PHLPP2: variants seen among roughly 807,000 people sequenced by gnomAD.
PHLPP2 encodes PH domain leucine-rich repeat-containing protein phosphatase 2.
PHLPP2 carries 66 observed loss-of-function variants against 124.9 expected under a neutral mutation model. That is an observed-to-expected ratio of 0.53 (90% CI 0.43 to 0.65). PHLPP2 has a LOEUF of 0.65. Among genes scored for constraint, PHLPP2 ranks in the 30% least tolerant of loss-of-function variants. The probability of loss-of-function intolerance (pLI) is 0.00; values close to 1 mark genes in which losing one functional copy is unlikely to be tolerated. For synonymous variants in PHLPP2, 681 were observed against 624.7 expected (o/e 1.09, Z -1.34); for missense variants, 1,685 against 1,600.4 (o/e 1.05, Z -0.90).
chr16:71,690,835 T>G (rs1398129219), intron 3 of PHLPP2, 126 bp from the exon 4 acceptor site: 2 of 653,494 alleles, frequency 3.1e-6, no homozygotes, highest in Non-Finnish European at 2.6e-6. Context: ...CCAAGCAATA[T>G]AGTTAAGACA....
intron 2 of PHLPP2, among the ~76,000 whole-genome samples, chr16:71,704,536 A>C (rs182473385): frequency 1.7e-4 from 26 of 152,190 alleles, no homozygotes; most frequent in Non-Finnish European, 3.7e-4. Context: ...CAAAAAAGAC[A>C]AAAATAAAAC....
intron 2 of PHLPP2, among the ~76,000 whole-genome samples, chr16:71,706,545 A>G (rs908333384): frequency 1.3e-5 from 2 of 152,226 alleles, no homozygotes; most frequent in African/African-American, 4.8e-5. Flanking sequence ...GACTGCCTAT[A>G]AAGGTAAAAT....
intron 2 of PHLPP2, among the ~76,000 whole-genome samples, chr16:71,712,407 CTAAT>C (rs2045330072): frequency 6.6e-6 from 1 of 152,204 alleles, no homozygotes; most frequent in African/African-American, 2.4e-5. Flanking sequence ...GGATTCTTAA[CTAAT>C]TACACAACTA....
chr16:71,651,230 C>T (rs1016130487), intron 18 of PHLPP2, among the ~76,000 whole-genome samples: 2 of 151,798 alleles, frequency 1.3e-5, no homozygotes, highest in Admixed American at 6.6e-5. Flanking sequence ...CCCAGCTACT[C>T]GGGAGGCTGA....
intron 17 of PHLPP2, 134 bp downstream of exon 17, chr16:71,655,106 T>C: frequency 1.5e-6 from 1 of 660,146 alleles, no homozygotes; most frequent in Non-Finnish European, 2.7e-6. Context: ...ATATAGAGAA[T>C]GATCATAGAA....
intron 1 of PHLPP2, chr16:71,723,668 C>A: frequency 2.0e-6 from 1 of 499,824 alleles, no homozygotes; most frequent in South Asian, 4.7e-5. Context: ...AGCCACTGCG[C>A]GGGGCGGGGG....
rs2044869431 is a variant in PHLPP2 at position 71,669,347 on chromosome 16, T to A, written c.1556A>T (p.Asp519Val). ...TATCTTCTTTGCTTCACAGGCCCAG[T>A]CAGGGACACACTCTAGCAGGTTTCT... ...LSRNLLECVP[D>V]WACEAKKIEV... The change falls in exon 11 of 19, where the codon GAC (aspartate) becomes GTC (valine). Residue 519 changes from aspartate (D) to valine (V), a missense_variant. Transcript: ENST00000568954. 6.2e-7 allele frequency: 1 copy of A among 1,611,770 alleles called. No homozygotes were observed. The highest frequency in any genetic ancestry group is 8.5e-7 in the Non-Finnish European group (1 of 1,179,326).
At chr16:71,708,792 C>CA (rs990083506) in intron 2 of PHLPP2, among the ~76,000 whole-genome samples, 2 of 150,622 alleles carry the variant, frequency 1.3e-5, no homozygotes, top group South Asian at 2.1e-4. Context: ...TCTCAGAAAC[C>CA]AAAAAAAAGA....
intron 3 of PHLPP2, among the ~76,000 whole-genome samples, chr16:71,697,217 A>AG (rs397854634): frequency 6.6e-6 from 1 of 150,634 alleles, no homozygotes; most frequent in Non-Finnish European, 1.5e-5. Flanking sequence ...TAAATAAATA[A>AG]AAAGAAACTC....
chr16:71,668,759 G>A (rs980600213), intron 11 of PHLPP2, among the ~76,000 whole-genome samples: 3 of 151,564 alleles, frequency 2.0e-5, no homozygotes, highest in African/African-American at 7.3e-5. Flanking sequence ...ATGAGACCCT[G>A]TCTCCAAAAA....
intron 3 of PHLPP2, among the ~76,000 whole-genome samples, chr16:71,701,001 T>G (rs1372148515): frequency 6.6e-6 from 1 of 151,934 alleles, no homozygotes; most frequent in Non-Finnish European, 1.5e-5. Context: ...TATGGAAAGA[T>G]CCACAGAAGA....
At chr16:71,696,347 T>A (rs933549284) in intron 3 of PHLPP2, among the ~76,000 whole-genome samples, 3 of 152,032 alleles carry the variant, frequency 2.0e-5, no homozygotes, top group Non-Finnish European at 4.4e-5. Flanking sequence ...AGTCAAAATT[T>A]TAAATGTGGC....
intron 3 of PHLPP2, among the ~76,000 whole-genome samples, chr16:71,696,967 G>A (rs1279511509): frequency 6.6e-6 from 1 of 151,894 alleles, no homozygotes; most frequent in Non-Finnish European, 1.5e-5. Flanking sequence ...TTGAGGTCAG[G>A]AATTCGAGAC....
intron 12 of PHLPP2, among the ~76,000 whole-genome samples, chr16:71,665,931 A>T (rs1228079829): frequency 6.6e-6 from 1 of 152,240 alleles, no homozygotes; most frequent in Non-Finnish European, 1.5e-5. Flanking sequence ...AGAGATGTAT[A>T]AGCTGCTAAA....
chr16:71,683,000 G>A (rs1358946010), intron 5 of PHLPP2, among the ~76,000 whole-genome samples: 4 of 152,054 alleles, frequency 2.6e-5, no homozygotes, highest in Non-Finnish European at 4.4e-5. Flanking sequence ...GTGAAACCCT[G>A]TCTCTACTAA....
At chr16:71,662,214 G>A (rs532034774) in intron 13 of PHLPP2, among the ~76,000 whole-genome samples, 6 of 151,840 alleles carry the variant, frequency 4.0e-5, no homozygotes, top group Non-Finnish European at 8.8e-5. Flanking sequence ...GGCGGATCAC[G>A]AGGCCAGGAG....
intron 3 of PHLPP2, among the ~76,000 whole-genome samples, chr16:71,692,054 T>G (rs1431758581): frequency 1.3e-5 from 2 of 152,038 alleles, no homozygotes; most frequent in Non-Finnish European, 2.9e-5. Flanking sequence ...GACTGGGTTG[T>G]ACTCCTGGTA....
At chr16:71,681,440 C>T (rs537651799) in intron 6 of PHLPP2, among the ~76,000 whole-genome samples, 71 of 152,274 alleles carry the variant, frequency 4.7e-4, no homozygotes, top group Middle Eastern at 3.4e-3. Flanking sequence ...AAATTTTATA[C>T]TTCTAATTCA....
Position 71,712,505 on chromosome 16 carries a change from C to A in PHLPP2, c.284+2007G>T, listed in dbSNP as rs546474724. On this transcript the variant is annotated intron_variant, in intron 2 of 18. Transcript: ENST00000568954. Reference sequence around the variant, plus strand: ...AAACATTACTATACAAATGAATACACCATATACTTAAATAAGTTAATCAAT... The same window carrying A: ...AAACATTACTATACAAATGAATACAACATATACTTAAATAAGTTAATCAAT... Among the ~76,000 whole-genome samples the A allele has an allele frequency of 2.6e-5, 4 of 152,200 alleles. No individual in the cohort carries two copies. The South Asian group carries it at 8.3e-4, about 32-fold the overall frequency.
Sources: gnomAD v4.1 joint callset for allele counts (sites outside exome capture counted in the v4.1 genomes callset) on GRCh38, gnomAD v4.1.1 for gene constraint, MANE v1.5 for transcripts, NCBI Gene and HGNC (gene_info 2026-07-23, HGNC 2026-07-21) for gene names.